Variants in MRTFB observed in about 807,000 individuals in gnomAD.
MRTFB encodes myocardin related transcription factor B.
In MRTFB, 29 loss-of-function variants were observed where a neutral mutation model predicts 104.2. The observed-to-expected ratio is 0.28, with a 90% CI of 0.21 to 0.38. The LOEUF (loss-of-function observed/expected upper bound fraction) is 0.38, where lower values mean the gene tolerates loss of function less well. Ranked by LOEUF, MRTFB falls within the 10% of genes least tolerant of loss-of-function variation. The pLI, the probability that MRTFB is intolerant of heterozygous loss-of-function variation, is 1.00. For missense variants in MRTFB, 1,270 were observed against 1,341.6 expected, an observed-to-expected ratio of 0.95 and a Z score of 0.83; for synonymous variants, 535 against 519.5, an observed-to-expected ratio of 1.03 and a Z score of -0.41.
chr16:14,048,076 C>G, the MRTFB span, among the ~76,000 whole-genome samples: 1 of 152,042 alleles, frequency 6.6e-6, no homozygotes, highest in Non-Finnish European at 1.5e-5. Context: ...TACACCCATT[C>G]CAAATGGGAG....
chr16:14,132,584 A>G (rs1432042014), intron 2 of MRTFB, among the ~76,000 whole-genome samples: 4 of 152,222 alleles, frequency 2.6e-5, no homozygotes, highest in Admixed American at 6.5e-5. Context: ...TCTCAAGAGT[A>G]CAATATTAAC....
chr16:14,118,942 TG>T (rs74856895), intron 2 of MRTFB, among the ~76,000 whole-genome samples: 22,217 of 152,024 alleles, frequency 0.15, 2,401 homozygotes, highest in East Asian at 0.29. Flanking sequence ...TCAGTTTTGT[TG>T]TATGATATTT....
At chr16:14,011,239 C>A in the MRTFB span, among the ~76,000 whole-genome samples, 1 of 152,182 alleles carries the variant, frequency 6.6e-6, no homozygotes, top group African/African-American at 2.4e-5. Flanking sequence ...CTGTTTCTTC[C>A]AGATGTAGAG....
At chr16:14,161,173 C>A (rs2039023615) in intron 3 of MRTFB, among the ~76,000 whole-genome samples, 1 of 124,102 alleles carries the variant, frequency 8.1e-6, no homozygotes, top group African/African-American at 3.1e-5. Context: ...TTTAAAAAAT[C>A]ATGAGTTGAG....
chr16:14,029,459 C>CACAT, the MRTFB span, among the ~76,000 whole-genome samples: 1 of 133,618 alleles, frequency 7.5e-6, no homozygotes, highest in Non-Finnish European at 1.6e-5. Flanking sequence ...CACACACACA[C>CACAT]ATATATATAA....
chr16:14,144,959 A>T (rs9929193), intron 3 of MRTFB, among the ~76,000 whole-genome samples: 17,650 of 145,260 alleles, frequency 0.12, 1,874 homozygotes, highest in East Asian at 0.3. Flanking sequence ...AAAAAAAAAA[A>T]AAATAAATAA....
At chr16:14,246,159 A>G (rs2043005524) in intron 11 of MRTFB, among the ~76,000 whole-genome samples, 1 of 152,182 alleles carries the variant, frequency 6.6e-6, no homozygotes, top group Non-Finnish European at 1.5e-5. Flanking sequence ...AGCATTTCCA[A>G]AAGTGTCTTG....
intron 3 of MRTFB, among the ~76,000 whole-genome samples, chr16:14,199,558 G>C (rs1324426547): frequency 6.6e-6 from 1 of 152,120 alleles, no homozygotes; most frequent in Admixed American, 6.5e-5. Flanking sequence ...GTCTACCCAG[G>C]TGCTTAAGCC....
At chr16:14,241,819 C>A (rs578027502) in intron 10 of MRTFB, among the ~76,000 whole-genome samples, 47 of 152,018 alleles carry the variant, frequency 3.1e-4, no homozygotes, top group South Asian at 6.2e-4. Context: ...CAGGCAGGCC[C>A]GAGTGAGCTA....
chr16:14,126,936 C>A (rs1345292816), intron 2 of MRTFB, among the ~76,000 whole-genome samples: 1 of 152,160 alleles, frequency 6.6e-6, no homozygotes, highest in African/African-American at 2.4e-5. Flanking sequence ...AAAAATGAAG[C>A]CAGTGAGCAA....
rs147925171 is a variant in MRTFB at position 14,161,037 on chromosome 16, G to C, written c.154+20277G>C. Among the ~76,000 whole-genome samples the C allele has an allele frequency of 6.1e-5, 9 of 147,406 alleles. No homozygotes were observed. The East Asian group carries it at 1.8e-3, about 30-fold the overall frequency. On this transcript the variant is annotated intron_variant, in intron 3 of 16. Transcript: ENST00000571589. ...GAAATAGACATGTTTTTTGTTAGTT[G>C]AGTGTCACTGCTTCTATTCTGTTCT... is the stretch of plus-strand genomic sequence containing the variant.
intron 3 of MRTFB, chr16:14,200,586 C>T: frequency 6.3e-7 from 1 of 1,599,612 alleles, no homozygotes; most frequent in Non-Finnish European, 8.6e-7. Context: ...GACTTTTGGG[C>T]AGTGAAGAAT....
chr16:14,004,400 C>T, the MRTFB span, among the ~76,000 whole-genome samples: 4 of 152,204 alleles, frequency 2.6e-5, no homozygotes, highest in East Asian at 1.9e-4. Context: ...AATGATGTAT[C>T]GCTTTTCAGC....
At chr16:14,249,656 GA>G (rs1320832607) in intron 13 of MRTFB, among the ~76,000 whole-genome samples, 2 of 152,140 alleles carry the variant, frequency 1.3e-5, no homozygotes, top group Non-Finnish European at 2.9e-5. Flanking sequence ...GGTGGTCTAG[GA>G]TTCAGTGTCC....
chr16:14,188,597 G>A (rs1159635877), intron 3 of MRTFB, among the ~76,000 whole-genome samples: 1 of 152,148 alleles, frequency 6.6e-6, no homozygotes, highest in African/African-American at 2.4e-5. Context: ...GATTTATACA[G>A]GTGTAATAGT....
chr16:14,204,203 T>C lies in MRTFB; in HGVS notation c.155-6040T>C, dbSNP rs138207485. Among the ~76,000 whole-genome samples the C allele has an allele frequency of 5.0e-3, 758 of 152,222 alleles. 5 individuals are homozygous for C. The highest frequency in any genetic ancestry group is 0.017 in the African/African-American group (712 of 41,522). On this transcript the variant is annotated intron_variant, in intron 3 of 16. Coordinates refer to ENST00000571589, the MANE Select transcript of MRTFB (RefSeq NM_001308142.2). ...GTTGCCCAGGCTGTTCTCAAACTCC[T>C]GGTCTCAAGCCATCCTCCCTCTTCA...
At chr16:14,083,738 G>A (rs1435694704) in intron 2 of MRTFB, among the ~76,000 whole-genome samples, 3 of 152,110 alleles carry the variant, frequency 2.0e-5, no homozygotes, top group East Asian at 1.9e-4. Context: ...GTAATCTGTC[G>A]TCTGTTTTTC....
At chr16:14,172,360 G>T (rs1007706778) in intron 3 of MRTFB, among the ~76,000 whole-genome samples, 13 of 152,130 alleles carry the variant, frequency 8.5e-5, no homozygotes, top group African/African-American at 3.1e-4. Flanking sequence ...AGTTTGTAGA[G>T]ATCTTCCTTG....
At chr16:14,063,726 G>A in the MRTFB span, among the ~76,000 whole-genome samples, 2 of 152,212 alleles carry the variant, frequency 1.3e-5, no homozygotes, top group African/African-American at 4.8e-5. Flanking sequence ...GCTAGGTCAA[G>A]GATGGGCAGG....
Sources: gnomAD v4.1 joint callset for allele counts (sites outside exome capture counted in the v4.1 genomes callset) on GRCh38, gnomAD v4.1.1 for gene constraint, MANE v1.5 for transcripts, NCBI Gene and HGNC (gene_info 2026-07-23, HGNC 2026-07-21) for gene names.